The following IQUB variants were observed in gnomAD, a reference collection of about 807,000 sequenced individuals.
The protein encoded by IQUB is IQ motif and ubiquitin domain containing, also known as IQ motif and ubiquitin-like domain-containing protein.
Under a neutral mutation model 86.4 loss-of-function variants are expected in IQUB, and 86 were observed. The observed-to-expected ratio is 1.00, with a 90% confidence interval of 0.84 to 1.19. IQUB has a LOEUF of 1.19. Ranked by LOEUF, IQUB falls within the 50% of genes most tolerant of loss-of-function variation. The probability of loss-of-function intolerance (pLI) is 0.00; values close to 1 mark genes in which losing one functional copy is unlikely to be tolerated. For synonymous variants in IQUB, 289 were observed against 304.5 expected, an observed-to-expected ratio of 0.95 and a Z score of 0.53; for missense variants, 946 against 916.9, an observed-to-expected ratio of 1.03 and a Z score of -0.41.
chr7:123,526,511 G>A (rs1455308766), intron 1 of IQUB, among the ~76,000 whole-genome samples: 2 of 151,958 alleles, frequency 1.3e-5, no homozygotes, highest in Admixed American at 6.6e-5. Context: ...TCAGAGACTA[G>A]GATTGCAACC....
At position 123,462,917 on chromosome 7, in the gene IQUB, T is replaced by C. The variant is rs1794069396; in HGVS notation, c.1759-1312A>G. ...CCATTTAAGCTACAGAATTAAACTC[T>C]ACAAATTCTCCAGTGTACCTACTCC... On this transcript the variant is annotated intron_variant, in intron 10 of 12. Coordinates refer to ENST00000324698, the MANE Select transcript of IQUB (RefSeq NM_178827.5). The C allele has an allele frequency of 9.1e-6, 4 of 438,360 alleles. No individual in the cohort carries two copies. In the Admixed American group the frequency reaches 9.7e-5, roughly 11 times the overall value. The allele number at this position is 438,360 out of a possible 1,614,324, so 27.2% of individuals were successfully genotyped here.
chr7:123,517,267 C>T (rs1796677051), intron 1 of IQUB, among the ~76,000 whole-genome samples: 1 of 151,908 alleles, frequency 6.6e-6, no homozygotes, highest in Non-Finnish European at 1.5e-5. Flanking sequence ...CGCTGTGGCT[C>T]ATGCCTGTAA....
At chr7:123,458,356 A>G (rs1036227716) in intron 11 of IQUB, among the ~76,000 whole-genome samples, 2 of 151,992 alleles carry the variant, frequency 1.3e-5, no homozygotes, top group Non-Finnish European at 2.9e-5. Flanking sequence ...AAAAAGTGTG[A>G]GAGCAGAAAT....
chr7:123,467,068 T>A (rs548627577), intron 9 of IQUB, among the ~76,000 whole-genome samples: 1 of 152,088 alleles, frequency 6.6e-6, no homozygotes, highest in African/African-American at 2.4e-5. Flanking sequence ...ACTTATTATA[T>A]AAGCTTACAT....
chr7:123,489,114 C>A (rs1795345336), intron 7 of IQUB, among the ~76,000 whole-genome samples: 1 of 152,150 alleles, frequency 6.6e-6, no homozygotes, highest in African/African-American at 2.4e-5. Flanking sequence ...GGTTACCTTG[C>A]AGGAGTGGAA....
chr7:123,482,574 A>G (rs1795055049), intron 7 of IQUB, among the ~76,000 whole-genome samples: 1 of 152,088 alleles, frequency 6.6e-6, no homozygotes, highest in Non-Finnish European at 1.5e-5. Context: ...AGAAAAGTAA[A>G]AAGTATAACA....
In IQUB at chr7:123,469,321, T is replaced by C. The variant is rs775758056; in HGVS notation, c.1474A>G (p.Thr492Ala). ...GKTIEMDTQF[T>A]IRARELQNIY... is the part of the protein sequence containing the mutation. The stretch of plus-strand genomic sequence containing the variant: ...TTTTGCAGCTCTCTGGCTCTGATGG[T>C]GAACTGCGTATCCATCTCAATTGTT... Residue 492 changes from threonine (T) to alanine (A), a missense_variant, in exon 9 of 13, where the codon ACC becomes GCC. By Grantham distance (58) the Thr-to-Ala change is moderately conservative. Coordinates refer to ENST00000324698, the MANE Select transcript of IQUB (RefSeq NM_178827.5). 5 of 1,609,520 alleles carry C rather than the reference T, an allele frequency of 3.1e-6. No homozygotes were observed. Among genetic ancestry groups the C allele is most frequent in the Non-Finnish European group, 4.2e-6 (5 of 1,177,440 alleles).
intron 1 of IQUB, among the ~76,000 whole-genome samples, chr7:123,528,615 G>T (rs1797377319): frequency 6.6e-6 from 1 of 152,100 alleles, no homozygotes; most frequent in Admixed American, 6.5e-5. Flanking sequence ...CAGAAAAGGG[G>T]TCCTGGTGAT....
chr7:123,463,334 G>C (rs1490129350), intron 10 of IQUB, among the ~76,000 whole-genome samples: 1 of 151,596 alleles, frequency 6.6e-6, no homozygotes, highest in Non-Finnish European at 1.5e-5. Context: ...CTCATATCTA[G>C]TGCTTGTAAT....
intron 7 of IQUB, among the ~76,000 whole-genome samples, chr7:123,483,855 T>C (rs1207169375): frequency 6.6e-6 from 1 of 152,112 alleles, no homozygotes; most frequent in African/African-American, 2.4e-5. Flanking sequence ...ATTCCAGACA[T>C]GATTACTTTC....
At chr7:123,527,158 A>T (rs1341722450) in intron 1 of IQUB, among the ~76,000 whole-genome samples, 1 of 152,028 alleles carries the variant, frequency 6.6e-6, no homozygotes, top group African/African-American at 2.4e-5. Context: ...CTTGGTTTTC[A>T]GCTCCATCAG....
intron 1 of IQUB, among the ~76,000 whole-genome samples, chr7:123,534,245 C>A (rs1382010085): frequency 2.0e-5 from 3 of 152,190 alleles, no homozygotes; most frequent in African/African-American, 7.2e-5. Context: ...TACCTCCTAG[C>A]TTGATGCTGC....
At position 123,464,854 on chromosome 7, in the gene IQUB, A is replaced by T. The variant is rs1170787552; in HGVS notation, c.1737T>A (p.Pro579=). ...ATACCTTAAGGTATTTTGCAACTTCAGGATTAAACAGAGGTGTTTTGATAT... is the reference window on the plus strand; with the variant it reads ...ATACCTTAAGGTATTTTGCAACTTCTGGATTAAACAGAGGTGTTTTGATAT... The part of the protein sequence containing the change: ...FHYIKTPLFN[P]EVAKYLKVPQ... The change falls in exon 10 of 13, where the codon CCT becomes CCA. Residue 579 remains proline, a synonymous_variant. Coordinates refer to ENST00000324698, the MANE Select transcript of IQUB (RefSeq NM_178827.5). 1.3e-6 allele frequency: 2 copies of T among 1,584,190 alleles called. No individual in the cohort carries two copies. Among genetic ancestry groups the T allele is most frequent in the Non-Finnish European group, 1.7e-6 (2 of 1,169,726 alleles).
chr7:123,454,383 T>G (rs1468040115), intron 12 of IQUB, among the ~76,000 whole-genome samples: 2 of 152,058 alleles, frequency 1.3e-5, no homozygotes, highest in Non-Finnish European at 2.9e-5. Flanking sequence ...CCATATTATA[T>G]TATTTATATT....
At chr7:123,505,571 G>A (rs1037982438) in intron 3 of IQUB, among the ~76,000 whole-genome samples, 3 of 152,138 alleles carry the variant, frequency 2.0e-5, no homozygotes, top group East Asian at 3.9e-4. Flanking sequence ...CCACCCTCTG[G>A]AGCAATGGCC....
chr7:123,476,203 T>C (rs1794738107), intron 8 of IQUB, among the ~76,000 whole-genome samples: 1 of 152,206 alleles, frequency 6.6e-6, no homozygotes, highest in Non-Finnish European at 1.5e-5. Context: ...AAAGATTGCA[T>C]ACTATGTACA....
At chr7:123,521,198 T>G (rs1329862348) in intron 1 of IQUB, among the ~76,000 whole-genome samples, 2 of 152,208 alleles carry the variant, frequency 1.3e-5, no homozygotes, top group African/African-American at 4.8e-5. Context: ...TCATAGGTAC[T>G]GGATAAATCC....
intron 7 of IQUB, among the ~76,000 whole-genome samples, chr7:123,481,752 A>G (rs1265421871): frequency 1.3e-5 from 2 of 152,074 alleles, no homozygotes; most frequent in Non-Finnish European, 2.9e-5. Context: ...TCTTTGAAAA[A>G]CTTTCAGAAG....
chr7:123,498,988 G>A (rs905267544), intron 6 of IQUB, among the ~76,000 whole-genome samples: 1 of 152,118 alleles, frequency 6.6e-6, no homozygotes, highest in African/African-American at 2.4e-5. Flanking sequence ...GAAGTAATAA[G>A]TAGGTAAGAA....
Sources: gnomAD v4.1 joint callset for allele counts (sites outside exome capture counted in the v4.1 genomes callset) on GRCh38, gnomAD v4.1.1 for gene constraint, MANE v1.5 for transcripts, NCBI Gene and HGNC (gene_info 2026-07-23, HGNC 2026-07-21) for gene names.